Variants in CYP2C8 observed in about 807,000 individuals in gnomAD.
The protein encoded by CYP2C8 is cytochrome P450 2C8.
In CYP2C8, 51 loss-of-function variants were observed where a neutral mutation model predicts 41.3. The ratio of observed to expected loss-of-function variants is 1.24; its 90% CI spans 0.99 to 1.56. The LOEUF (loss-of-function observed/expected upper bound fraction) is 1.56, where lower values mean the gene tolerates loss of function less well. CYP2C8 is among the 40% of genes most tolerant of loss of function. CYP2C8 has a pLI of 0.00. For missense variants in CYP2C8, 651 were observed against 579.9 expected (o/e 1.12, Z -1.26); for synonymous variants, 218 against 205.8 (o/e 1.06, Z -0.51).
At chr10:95,069,101 G>T in intron 1 of CYP2C8, 134 bp downstream of exon 1, 8 of 981,164 alleles carry the variant, frequency 8.2e-6, no homozygotes, top group Non-Finnish European at 1.2e-5. Context: ...AAACATCAAA[G>T]AAGTTCAGAG....
intron 5 of CYP2C8, among the ~76,000 whole-genome samples, chr10:95,052,763 TA>T (rs952917278): frequency 2.0e-5 from 3 of 151,432 alleles, no homozygotes; most frequent in Non-Finnish European, 2.9e-5. Context: ...GTAAAAGCCC[TA>T]AAAAAAACAG....
At chr10:95,060,184 G>A (rs1164025742) in intron 4 of CYP2C8, among the ~76,000 whole-genome samples, 2 of 87,040 alleles carry the variant, frequency 2.3e-5, no homozygotes, top group Non-Finnish European at 4.8e-5. Context: ...TGTGAAGAAA[G>A]TCATTGGTGC....
At chr10:95,058,014 G>A (rs2134427768) in intron 5 of CYP2C8, among the ~76,000 whole-genome samples, 1 of 152,256 alleles carries the variant, frequency 6.6e-6, no homozygotes, top group East Asian at 1.9e-4. Flanking sequence ...GTGCAATATT[G>A]ATATTCATCT....
intron 4 of CYP2C8, among the ~76,000 whole-genome samples, chr10:95,062,707 C>T (rs1449819983): frequency 6.6e-6 from 1 of 152,092 alleles, no homozygotes; most frequent in African/African-American, 2.4e-5. Context: ...TTATTTTGCT[C>T]GTTAGTTGAT....
chr10:95,055,537 C>G (rs1190570655), intron 5 of CYP2C8, among the ~76,000 whole-genome samples: 6 of 151,398 alleles, frequency 4.0e-5, no homozygotes, highest in East Asian at 1.9e-4. Context: ...AATAAAACAT[C>G]GGTTAAATAT....
At chr10:95,057,566 A>C (rs2033337326) in intron 5 of CYP2C8, among the ~76,000 whole-genome samples, 1 of 152,142 alleles carries the variant, frequency 6.6e-6, no homozygotes, top group Admixed American at 6.6e-5. Flanking sequence ...ACAAAACTAC[A>C]GTAATTAAGA....
chr10:95,068,740 C>T (rs900022766), intron 1 of CYP2C8: 37 of 622,968 alleles, frequency 5.9e-5, no homozygotes, highest in East Asian at 3.3e-4. Context: ...CAACTCACTC[C>T]GCTATTTCTG....
intron 4 of CYP2C8, among the ~76,000 whole-genome samples, chr10:95,063,750 T>A (rs556461495): frequency 2.0e-5 from 3 of 152,286 alleles, no homozygotes; most frequent in South Asian, 2.1e-4. Flanking sequence ...CTGTTGTGTT[T>A]TTCCCCCATC....
chr10:95,052,264 C>T (rs1039042872), intron 5 of CYP2C8, among the ~76,000 whole-genome samples: 4 of 151,818 alleles, frequency 2.6e-5, no homozygotes, highest in African/African-American at 9.7e-5. Context: ...TGAAGAAATC[C>T]AAAACCTGAA....
At chr10:95,046,030 A>C in intron 5 of CYP2C8, 79 bp from the exon 6 acceptor site, 1 of 1,534,514 alleles carries the variant, frequency 6.5e-7, no homozygotes, top group Non-Finnish European at 9.0e-7. Context: ...AAAACATACT[A>C]TTTTTTAAAG....
chr10:95,055,112 ATTT>A (rs1321509246), intron 5 of CYP2C8, among the ~76,000 whole-genome samples: 1 of 152,136 alleles, frequency 6.6e-6, no homozygotes, highest in Non-Finnish European at 1.5e-5. Context: ...CCTTTTTAAA[ATTT>A]TTATTTGTGC....
intron 5 of CYP2C8, among the ~76,000 whole-genome samples, chr10:95,053,121 C>A (rs2033242782): frequency 6.6e-6 from 1 of 151,970 alleles, no homozygotes; most frequent in Admixed American, 6.6e-5. Flanking sequence ...ATACAAAAAT[C>A]GGTAGTATTT....
intron 5 of CYP2C8, among the ~76,000 whole-genome samples, chr10:95,051,924 G>A (rs2033220384): frequency 6.6e-6 from 1 of 151,908 alleles, no homozygotes; most frequent in Admixed American, 6.6e-5. Flanking sequence ...GAAAGCTGGA[G>A]CAAACCAAAC....
intron 4 of CYP2C8, among the ~76,000 whole-genome samples, chr10:95,062,718 G>A (rs1238147045): frequency 6.6e-6 from 1 of 152,160 alleles, no homozygotes; most frequent in Non-Finnish European, 1.5e-5. Flanking sequence ...GTTAGTTGAT[G>A]CAGTTTCTTC....
At chr10:95,043,197 T>C in intron 6 of CYP2C8, 120 bp from the exon 7 acceptor site, 2 of 854,366 alleles carry the variant, frequency 2.3e-6, no homozygotes, top group Non-Finnish European at 3.8e-6. Context: ...ATGAGTTACA[T>C]GTCCAGAAGT....
At chr10:95,042,109 C>A (rs1176708967) in intron 7 of CYP2C8, among the ~76,000 whole-genome samples, 4 of 152,046 alleles carry the variant, frequency 2.6e-5, no homozygotes, top group African/African-American at 9.7e-5. Flanking sequence ...TACTCTACCC[C>A]CCAGCAGATC....
Position 95,043,007 on chromosome 10 carries a change from G to A in CYP2C8, c.1032C>T (p.His344=), listed in dbSNP as rs766152120. 28 of 1,614,096 alleles carry A rather than the reference G, an allele frequency of 1.7e-5. 1 individual carries two copies. The South Asian group carries it at 2.6e-4, about 15-fold the overall frequency. Residue 344 remains histidine, a synonymous_variant, in exon 7 of 9, where the codon CAC becomes CAT. Coordinates refer to ENST00000371270, the MANE Select transcript of CYP2C8 (RefSeq NM_000770.3). The part of the protein sequence containing the change: ...HRSPCMQDRS[H]MPYTDAVVHE... ...GCACTACAGCATCAGTGTAAGGCAT[G>A]TGGCTCCTATCCTGCATGCAGGGGC...
At chr10:95,063,863 G>A (rs1483037987) in intron 4 of CYP2C8, among the ~76,000 whole-genome samples, 2 of 152,184 alleles carry the variant, frequency 1.3e-5, no homozygotes, top group Non-Finnish European at 2.9e-5. Context: ...TAACAGTCAG[G>A]ATCCTCAGCC....
intron 4 of CYP2C8, among the ~76,000 whole-genome samples, chr10:95,063,371 C>T (rs904662706): frequency 2.0e-5 from 3 of 152,172 alleles, no homozygotes; most frequent in African/African-American, 2.4e-5. Context: ...CTTCTCTTCT[C>T]GCTTCATTTC....
Sources: allele counts gnomAD v4.1 joint callset (sites outside exome capture counted in the v4.1 genomes callset), GRCh38; gene constraint gnomAD v4.1.1; transcripts MANE v1.5; gene names NCBI Gene and HGNC (gene_info 2026-07-23, HGNC 2026-07-21).